The following DCAF8L2 variants were observed in gnomAD, a reference collection of about 807,000 sequenced individuals.
DCAF8L2 encodes the protein DDB1- and CUL4-associated factor 8-like protein 2.
For synonymous variants in DCAF8L2, 200 were observed against 190.9 expected, an observed-to-expected ratio of 1.05 and a Z score of -0.39; for missense variants, 430 against 490.7, an observed-to-expected ratio of 0.88 and a Z score of 1.17.
rs752571166 is a variant in DCAF8L2 at position 27,658,544 on chromosome X, A to G, written c.-219-19292A>G. On this transcript the variant is annotated intron_variant, in intron 2 of 4. Coordinates refer to ENST00000451261, the MANE Select transcript of DCAF8L2 (RefSeq NM_001353450.2). ...TTGTATTGAATCTCACACTTGGTCCACTTCCCCTATCTCACACCAAAAGCA... is the reference window on the plus strand; with the variant it reads ...TTGTATTGAATCTCACACTTGGTCCGCTTCCCCTATCTCACACCAAAAGCA... Among the ~76,000 whole-genome samples the G allele has an allele frequency of 5.3e-4, 60 of 112,397 alleles. 1 individual carries two copies. Among genetic ancestry groups the G allele is most frequent in the African/African-American group, 1.8e-3 (55 of 31,000 alleles).
chrX:27,748,095 TAAGA>T lies in DCAF8L2; in HGVS notation c.1207_1210del (p.Glu403ThrfsTer35). 2 of 1,211,928 alleles carry T rather than the reference TAAGA, an allele frequency of 1.7e-6. No homozygotes were observed. Among genetic ancestry groups the T allele is most frequent in the Non-Finnish European group, 1.1e-6 (1 of 895,507 alleles). On this transcript the variant is annotated frameshift_variant, in exon 5 of 5. Transcript: ENST00000451261. LOFTEE classifies it low-confidence loss of function (END_TRUNC). ...GGATTTATGACCAGAGGAAAATTGA[TAAGA>T]AAGAAAACAATGGCGTGCTCAAGAA... is the stretch of plus-strand genomic sequence containing the variant.
intron 1 of DCAF8L2, among the ~76,000 whole-genome samples, chrX:27,591,014 T>TATATATAA (rs201564902): frequency 1.9e-4 from 18 of 96,788 alleles, no homozygotes; most frequent in African/African-American, 6.5e-4. Context: ...TATATATATA[T>TATATATAA]AAATAAATAA....
chrX:27,615,498 C>A (rs1261681046), intron 1 of DCAF8L2, among the ~76,000 whole-genome samples: 1 of 103,203 alleles, frequency 9.7e-6, no homozygotes, highest in East Asian at 2.9e-4. Flanking sequence ...TGATTAAACG[C>A]ACAAAAAATA....
At chrX:27,590,991 T>TTATATATATTTATA (rs1926048407) in intron 1 of DCAF8L2, among the ~76,000 whole-genome samples, 1 of 68,055 alleles carries the variant, frequency 1.5e-5, no homozygotes, top group South Asian at 1.2e-3. Flanking sequence ...CCTTTACATT[T>TTATATATATTTATA]TATATATATA....
intron 1 of DCAF8L2, among the ~76,000 whole-genome samples, chrX:27,603,010 T>C (rs780001670): frequency 8.9e-6 from 1 of 112,098 alleles, no homozygotes; most frequent in East Asian, 2.8e-4. Context: ...AACAATTACA[T>C]TTTATAAAGT....
rs2147349169 is a variant in DCAF8L2, at chrX:27,747,063, T to C, written c.168T>C (p.Asp56=). The change falls in exon 5 of 5, where the codon GAT becomes GAC. Residue 56 remains aspartate (D), a synonymous_variant. Transcript: ENST00000451261. Reference sequence around the variant, plus strand: ...TGACAGTGACCGGAGATGGCAGTGATAGCAGGGATGGTGGATTCCCCAACG... The same window carrying C: ...TGACAGTGACCGGAGATGGCAGTGACAGCAGGGATGGTGGATTCCCCAACG... ...LSVTVTGDGS[D]SRDGGFPNDA... 1 of 1,169,618 alleles carries C rather than the reference T, an allele frequency of 8.5e-7. No homozygotes were observed. Among genetic ancestry groups the C allele is most frequent in the Non-Finnish European group, 1.1e-6 (1 of 873,910 alleles).
In DCAF8L2 at chrX:27,714,545, A is replaced by G. The variant is rs12014810; in HGVS notation, c.-142-1543A>G. Among the ~76,000 whole-genome samples the G allele has an allele frequency of 7.4e-3, 825 of 112,110 alleles. 11 individuals carry two copies. Among genetic ancestry groups the G allele is most frequent in the African/African-American group, 0.025 (787 of 30,911 alleles). ...GTTTAGTAGAGAAATGTTTATTCCC[A>G]TTGTATAAAATGACTACATTTTAAC... On this transcript the variant is annotated intron_variant, in intron 3 of 4. Transcript: ENST00000451261.
chrX:27,713,852 A>G (rs1432499571), intron 3 of DCAF8L2, among the ~76,000 whole-genome samples: 1 of 111,417 alleles, frequency 9.0e-6, no homozygotes, highest in African/African-American at 3.3e-5. Flanking sequence ...TTTGCTGGCC[A>G]CTGATATTAA....
At chrX:27,603,696 A>C (rs1410803951) in intron 1 of DCAF8L2, among the ~76,000 whole-genome samples, 1 of 111,943 alleles carries the variant, frequency 8.9e-6, no homozygotes, top group Non-Finnish European at 1.9e-5. Flanking sequence ...AAGTATTTCA[A>C]CTATATTTCA....
At chrX:27,709,761 G>A (rs367763582) in intron 3 of DCAF8L2, among the ~76,000 whole-genome samples, 2 of 111,362 alleles carry the variant, frequency 1.8e-5, no homozygotes, top group South Asian at 3.8e-4. Context: ...ACCAGTCCTT[G>A]TCTGTGGACT....
the DCAF8L2 span, among the ~76,000 whole-genome samples, chrX:27,561,604 C>T: frequency 9.0e-6 from 1 of 111,056 alleles, no homozygotes; most frequent in African/African-American, 3.3e-5. Flanking sequence ...ACTCTGTACC[C>T]TAAAAAAACA....
At chrX:27,623,236 A>G (rs1176522814) in intron 1 of DCAF8L2, among the ~76,000 whole-genome samples, 3 of 111,252 alleles carry the variant, frequency 2.7e-5, no homozygotes, top group Non-Finnish European at 5.7e-5. Context: ...GAGTTCTCTC[A>G]CTGCCCTTCA....
chrX:27,697,008 C>G (rs934323402), intron 3 of DCAF8L2, among the ~76,000 whole-genome samples: 18 of 111,748 alleles, frequency 1.6e-4, no homozygotes, highest in Non-Finnish European at 2.6e-4. Context: ...GAAGAGGGCA[C>G]TACTGCATGT....
the DCAF8L2 span, among the ~76,000 whole-genome samples, chrX:27,522,536 C>T: frequency 9.0e-6 from 1 of 111,590 alleles, no homozygotes; most frequent in Non-Finnish European, 1.9e-5. Context: ...AAATGTTGGG[C>T]AGCAAAATTC....
At chrX:27,693,666 A>AT (rs1402375166) in intron 3 of DCAF8L2, among the ~76,000 whole-genome samples, 1 of 111,772 alleles carries the variant, frequency 8.9e-6, no homozygotes, top group Non-Finnish European at 1.9e-5. Context: ...ATGACATATT[A>AT]TCTCACATCT....
chrX:27,686,821 T>C (rs2147248116), intron 3 of DCAF8L2, among the ~76,000 whole-genome samples: 1 of 112,485 alleles, frequency 8.9e-6, no homozygotes, highest in Non-Finnish European at 1.9e-5. Flanking sequence ...AGACAATTTT[T>C]CTACGGACTG....
chrX:27,698,202 G>T (rs1306038194), intron 3 of DCAF8L2, among the ~76,000 whole-genome samples: 1 of 110,916 alleles, frequency 9.0e-6, no homozygotes, highest in Non-Finnish European at 1.9e-5. Flanking sequence ...TAATATTGAG[G>T]CATGAAATGC....
intron 2 of DCAF8L2, among the ~76,000 whole-genome samples, chrX:27,638,997 A>C (rs993558925): frequency 7.2e-5 from 8 of 111,858 alleles, no homozygotes; most frequent in Non-Finnish European, 1.5e-4. Context: ...TTGTTAGAAT[A>C]TGAGTTACCC....
the DCAF8L2 span, among the ~76,000 whole-genome samples, chrX:27,564,846 AT>A: frequency 4.6e-5 from 5 of 109,564 alleles, no homozygotes; most frequent in African/African-American, 1.7e-4. Context: ...CAGAAAGGTG[AT>A]TTTAAAAAAA....
Sources: allele counts gnomAD v4.1 joint callset (sites outside exome capture counted in the v4.1 genomes callset), GRCh38; gene constraint gnomAD v4.1.1; transcripts MANE v1.5; gene names NCBI Gene and HGNC (gene_info 2026-07-23, HGNC 2026-07-21).